Variants in ZBTB4 observed in about 807,000 individuals in gnomAD.
ZBTB4 encodes the protein zinc finger and BTB domain containing 4.
ZBTB4 carries 14 observed loss-of-function variants against 59.8 expected under a neutral mutation model. The observed-to-expected ratio is 0.23, with a 90% confidence interval of 0.15 to 0.37. The LOEUF (loss-of-function observed/expected upper bound fraction) is 0.37, where lower values mean the gene tolerates loss of function less well. Ranked by LOEUF, ZBTB4 falls within the 10% of genes least tolerant of loss-of-function variation. The pLI is 1.00. For missense variants in ZBTB4, 1,198 were observed against 1,380.8 expected (o/e 0.87, Z 2.10); for synonymous variants, 587 against 575.2 (o/e 1.02, Z -0.29).
chr17:7,483,199 G>C (rs941881709), upstream of ZBTB4: 28 of 1,044,274 alleles, frequency 2.7e-5, no homozygotes, highest in Admixed American at 6.7e-4. Flanking sequence ...CAAGGGATGT[G>C]GAGACCAGGC....
intron 1 of ZBTB4, among the ~76,000 whole-genome samples, chr17:7,469,858 T>C (rs970361325): frequency 1.3e-5 from 2 of 151,222 alleles, no homozygotes; most frequent in African/African-American, 4.9e-5. Context: ...CAGAGGCGGG[T>C]GGATCGCGAG....
chr17:7,463,301 T>C lies in ZBTB4; in HGVS notation c.1681A>G (p.Asn561Asp). 6.2e-7 allele frequency: 1 copy of C among 1,610,100 alleles called. No homozygotes were observed. Among genetic ancestry groups the C allele is most frequent in the Non-Finnish European group, 8.5e-7 (1 of 1,178,504 alleles). ...ATTTEEAKGR[N>D]PRAGRTLTYT... is the part of the protein sequence containing the mutation. ...GTCAGAGTCCTTCCAGCCCGTGGAT[T>C]CCGGCCCTTGGCCTCCTCCGTGGTG... The change falls in exon 4 of 4, where the codon AAT becomes GAT. Residue 561 changes from asparagine to aspartate, a missense_variant. By Grantham distance (23) the Asn-to-Asp change is conservative. Around this residue, in one of 9 missense-constraint regions of ZBTB4, gnomAD observed 550 missense variants for 541.8 expected, o/e 1.02. Transcript: ENST00000380599.
Position 7,460,811 on chromosome 17 carries a change from T to C in ZBTB4, c.*1129A>G, listed in dbSNP as rs2070009768. On this transcript the variant is annotated 3_prime_UTR_variant, in exon 4 of 4. Transcript: ENST00000380599. The stretch of plus-strand genomic sequence containing the variant: ...GTAAGGTGCTATTTTGAAGGGAAAG[T>C]TGGTGGGGATACCCCAAAGCCCACC... The C allele has an allele frequency of 6.6e-6, 1 of 152,560 alleles. No homozygotes were observed. Among genetic ancestry groups the C allele is most frequent in the African/African-American group, 2.4e-5 (1 of 41,408 alleles). The allele number at this position is 152,560 out of a possible 1,614,324, so 9.5% of individuals were successfully genotyped here.
At position 7,462,602 on chromosome 17, in the gene ZBTB4, C is replaced by T. The variant is rs1191700633; in HGVS notation, c.2380G>A (p.Gly794Ser). 2 of 1,610,690 alleles carry T rather than the reference C, an allele frequency of 1.2e-6. No homozygotes were observed. Among genetic ancestry groups the T allele is most frequent in the Non-Finnish European group, 1.7e-6 (2 of 1,178,552 alleles). The change falls in exon 4 of 4, where the codon GGC (glycine) becomes AGC (serine). Residue 794 changes from glycine to serine, a missense_variant. Gly to Ser is a moderately conservative substitution (Grantham distance 56). Transcript: ENST00000380599. This position sits in a 1 kb window ranked among gnomAD's most constrained non-coding sequence, Gnocchi z 7.5. ...TAGGCAATGACAGGGGTTGGGGTGC[C>T]CCCGGGCCGCTCAGCAGCATGCCTC... ...GQRHAAERPG[G>S]TPTPVIAYSK...
intron 1 of ZBTB4, among the ~76,000 whole-genome samples, chr17:7,474,907 G>C (rs1037367652): frequency 6.6e-6 from 1 of 151,062 alleles, no homozygotes; most frequent in Non-Finnish European, 1.5e-5. Flanking sequence ...AGCTACTCAG[G>C]TGGCTGAGGC....
In ZBTB4 at chr17:7,462,820, C is replaced by G. The variant is rs183357608; in HGVS notation, c.2162G>C (p.Arg721Pro). The change falls in exon 4 of 4, where the codon CGC becomes CCC. Residue 721 changes from arginine (R) to proline (P), a missense_variant. Transcript: ENST00000380599. This position sits in a 1 kb window ranked among gnomAD's most constrained non-coding sequence, Gnocchi z 7.5. ...CCCGCATCGGTGCCTCCGCTCTGTG[C>G]GGGCACGTCCCGCTGGGCTCTCGGC... ...PAAESPAGRA[R>P]TERRHRCGDC... The G allele has an allele frequency of 6.2e-7, 1 of 1,602,838 alleles. No homozygotes were observed. The highest frequency in any genetic ancestry group is 1.1e-5 in the South Asian group (1 of 91,042).
Position 7,466,548 on chromosome 17 carries a change from G to A in ZBTB4, c.254C>T (p.Ser85Phe), listed in dbSNP as rs780707344. 18 of 1,612,828 alleles carry A rather than the reference G, an allele frequency of 1.1e-5. No individual in the cohort carries two copies. The highest frequency in any genetic ancestry group is 1.5e-5 in the Non-Finnish European group (18 of 1,179,548). Residue 85 changes from serine to phenylalanine, a missense_variant, in exon 3 of 4, where the codon TCT (serine) becomes TTT (phenylalanine). Around this residue, in one of 9 missense-constraint regions of ZBTB4, gnomAD observed 83 missense variants for 76.5 expected, o/e 1.09. Coordinates refer to ENST00000380599, the MANE Select transcript of ZBTB4 (RefSeq NM_001128833.2). The surrounding 1 kb of genome is among the most constrained non-coding windows in gnomAD (Gnocchi z 9.1). The stretch of plus-strand genomic sequence containing the variant: ...AGACGAGGAAGAGGAGGAGGAGGAA[G>A]AGGCAGCTGTGGTGGTGGCAGGGTT... ...APNPATTTAA[S>F]SSSSSSSSSS...
chr17:7,481,200 C>A, upstream of ZBTB4: 1 of 216,306 alleles, frequency 4.6e-6, no homozygotes. Context: ...TGTAGTGGCA[C>A]ATTCTTGTAA....
upstream of ZBTB4, chr17:7,481,347 G>C: frequency 8.8e-7 from 1 of 1,133,362 alleles, no homozygotes. Context: ...AAAAAAGAAA[G>C]AAAGAAAGAA....
intron 1 of ZBTB4, among the ~76,000 whole-genome samples, chr17:7,469,812 G>A (rs182506819): frequency 6.6e-6 from 1 of 152,012 alleles, no homozygotes; most frequent in East Asian, 1.9e-4. Flanking sequence ...GGCCGGGCAC[G>A]GTGGCTCACA....
upstream of ZBTB4, chr17:7,483,204 C>G: frequency 1.0e-6 from 1 of 995,524 alleles, no homozygotes; most frequent in African/African-American, 1.6e-5. Flanking sequence ...GATGTGGAGA[C>G]CAGGCTGGGT....
rs777623012 is a variant in ZBTB4 at position 7,466,576 on chromosome 17, G to A, written c.226C>T (p.Pro76Ser). 6 of 1,613,116 alleles carry A rather than the reference G, an allele frequency of 3.7e-6. No individual in the cohort carries two copies. Among genetic ancestry groups the A allele is most frequent in the Admixed American group, 3.3e-5 (2 of 59,914 alleles). ...PLPPATGGAA[P>S]NPATTTAASS... is the part of the protein sequence containing the mutation. Reference sequence around the variant, plus strand: ...GCAGCTGTGGTGGTGGCAGGGTTGGGTGCGGCGCCCCCAGTAGCTGGTGGA... The same window carrying A: ...GCAGCTGTGGTGGTGGCAGGGTTGGATGCGGCGCCCCCAGTAGCTGGTGGA... Residue 76 changes from proline (P) to serine (S), a missense_variant, in exon 3 of 4, where the codon CCC becomes TCC. This residue lies in a region of ZBTB4 where 83 missense variants were observed against 76.5 expected (regional missense o/e 1.09). Coordinates refer to ENST00000380599, the MANE Select transcript of ZBTB4 (RefSeq NM_001128833.2). The surrounding 1 kb of genome is among the most constrained non-coding windows in gnomAD (Gnocchi z 9.1).
upstream of ZBTB4, chr17:7,481,413 T>A: frequency 7.3e-7 from 1 of 1,361,224 alleles, no homozygotes; most frequent in East Asian, 3.0e-5. Context: ...TCAGGAGAGT[T>A]CCAGGGAAGA....
Position 7,462,817 on chromosome 17 carries a change from G to C in ZBTB4, c.2165C>G (p.Thr722Arg), listed in dbSNP as rs1385116959. The C allele has an allele frequency of 1.9e-6, 3 of 1,602,852 alleles. No homozygotes were observed. The highest frequency in any genetic ancestry group is 8.5e-7 in the Non-Finnish European group (1 of 1,179,772). Residue 722 changes from threonine (T) to arginine (R), a missense_variant, in exon 4 of 4, where the codon ACA becomes AGA. By Grantham distance (71) the Thr-to-Arg change is moderately conservative. This residue lies in a region of ZBTB4 where 550 missense variants were observed against 541.8 expected (regional missense o/e 1.02). Coordinates refer to ENST00000380599, the MANE Select transcript of ZBTB4 (RefSeq NM_001128833.2). This position sits in a 1 kb window ranked among gnomAD's most constrained non-coding sequence, Gnocchi z 7.5. ...AAESPAGRARTERRHRCGDCA... is the reference protein window; with the variant it reads ...AAESPAGRARRERRHRCGDCA... ...GTCCCCGCATCGGTGCCTCCGCTCTGTGCGGGCACGTCCCGCTGGGCTCTC... is the reference window on the plus strand; with the variant it reads ...GTCCCCGCATCGGTGCCTCCGCTCTCTGCGGGCACGTCCCGCTGGGCTCTC...
At chr17:7,481,433 C>G, upstream of ZBTB4, 1 of 1,383,092 alleles carries the variant, frequency 7.2e-7, no homozygotes, top group African/African-American at 1.5e-5. Context: ...AACCCCACCC[C>G]CACTCCAACC....
chr17:7,469,000 T>C (rs1260516713), intron 1 of ZBTB4, among the ~76,000 whole-genome samples: 1 of 152,134 alleles, frequency 6.6e-6, no homozygotes. Flanking sequence ...TCAGGCATCC[T>C]GCGGAAGGGG....
intron 1 of ZBTB4, among the ~76,000 whole-genome samples, chr17:7,468,569 C>T (rs762233152): frequency 1.4e-4 from 21 of 152,254 alleles, no homozygotes; most frequent in Non-Finnish European, 2.5e-4. Flanking sequence ...TAATGACAGG[C>T]GGCACCTATT....
At chr17:7,480,129 C>A (rs1181866213), upstream of ZBTB4, among the ~76,000 whole-genome samples, 2 of 152,144 alleles carry the variant, frequency 1.3e-5, no homozygotes, top group Non-Finnish European at 2.9e-5. Flanking sequence ...AAAAAGAAGG[C>A]CCTGGCCCTG....
intron 1 of ZBTB4, among the ~76,000 whole-genome samples, chr17:7,470,847 G>A (rs569622707): frequency 5.9e-5 from 9 of 152,264 alleles, no homozygotes; most frequent in African/African-American, 1.9e-4. Context: ...ATATATTAAC[G>A]AAGGACGTGT....
Sources: allele counts gnomAD v4.1 joint callset (sites outside exome capture counted in the v4.1 genomes callset), GRCh38; gene constraint gnomAD v4.1.1; regional missense constraint gnomAD v4.1.1; non-coding constraint Gnocchi (gnomAD v3.1); transcripts MANE v1.5; gene names NCBI Gene and HGNC (gene_info 2026-07-23, HGNC 2026-07-21).